The following CWC27 variants were observed in gnomAD, a reference collection of about 807,000 sequenced individuals.
CWC27 encodes spliceosome-associated protein CWC27 homolog.
In CWC27, 47 loss-of-function variants were observed where a neutral mutation model predicts 63.6. The ratio of observed to expected loss-of-function variants is 0.74; its 90% CI spans 0.58 to 0.94. The LOEUF (loss-of-function observed/expected upper bound fraction) is 0.94, where lower values mean the gene tolerates loss of function less well. CWC27 is among the 40% of genes least tolerant of loss of function. The probability of loss-of-function intolerance (pLI) is 0.00; values close to 1 mark genes in which losing one functional copy is unlikely to be tolerated. For missense variants in CWC27, 495 were observed against 554.3 expected (o/e 0.89, Z 1.07); for synonymous variants, 175 against 179.8 (o/e 0.97, Z 0.22).
chr5:65,017,564 A>C (rs1750070833), intron 13 of CWC27, among the ~76,000 whole-genome samples: 1 of 152,256 alleles, frequency 6.6e-6, no homozygotes, highest in Non-Finnish European at 1.5e-5. Context: ...TGTAATCAAC[A>C]GTAGAAGGAA....
intron 11 of CWC27, among the ~76,000 whole-genome samples, chr5:64,957,675 G>A (rs1748828551): frequency 6.6e-6 from 1 of 152,166 alleles, no homozygotes; most frequent in African/African-American, 2.4e-5. Context: ...TTATCAAGTA[G>A]TCTATCTGAC....
intron 11 of CWC27, among the ~76,000 whole-genome samples, chr5:64,954,796 A>G (rs1018460514): frequency 6.6e-6 from 1 of 150,854 alleles, no homozygotes; most frequent in African/African-American, 2.4e-5. Flanking sequence ...ATATATATGT[A>G]TGTATGTTAG....
chr5:64,814,236 C>T (rs577752132), intron 10 of CWC27, among the ~76,000 whole-genome samples: 2 of 152,054 alleles, frequency 1.3e-5, no homozygotes, highest in East Asian at 1.9e-4. Flanking sequence ...GATACCACTT[C>T]GGTTTTGCAC....
chr5:64,881,806 C>T (rs950957364), intron 10 of CWC27, among the ~76,000 whole-genome samples: 3 of 152,172 alleles, frequency 2.0e-5, no homozygotes. Context: ...AAATTATTCT[C>T]ATAACTAGTT....
At chr5:64,905,598 G>A (rs976588072) in intron 11 of CWC27, among the ~76,000 whole-genome samples, 2 of 152,060 alleles carry the variant, frequency 1.3e-5, no homozygotes, top group African/African-American at 4.8e-5. Flanking sequence ...ATTTTTGAGG[G>A]TGAATGCTCA....
intron 11 of CWC27, among the ~76,000 whole-genome samples, chr5:64,893,863 CTATT>C (rs1379219848): frequency 1.3e-5 from 2 of 151,740 alleles, no homozygotes; most frequent in Non-Finnish European, 2.9e-5. Flanking sequence ...TGCGTGTGCT[CTATT>C]TATATTTGTT....
chr5:64,803,482 A>C (rs1238535513), intron 9 of CWC27, among the ~76,000 whole-genome samples: 1 of 152,202 alleles, frequency 6.6e-6, no homozygotes, highest in Admixed American at 6.5e-5. Context: ...ATAGGTGATA[A>C]GTACTTTGGA....
intron 11 of CWC27, among the ~76,000 whole-genome samples, chr5:64,940,504 C>T (rs1748452272): frequency 6.6e-6 from 1 of 152,180 alleles, no homozygotes; most frequent in South Asian, 2.1e-4. Flanking sequence ...GCAGAAATCA[C>T]CCGCCTTCTG....
chr5:64,958,224 G>A (rs946452970), intron 11 of CWC27, among the ~76,000 whole-genome samples: 1 of 152,076 alleles, frequency 6.6e-6, no homozygotes, highest in Non-Finnish European at 1.5e-5. Context: ...TGCTGTAAAT[G>A]TATATAACCC....
intron 10 of CWC27, among the ~76,000 whole-genome samples, chr5:64,806,932 A>C (rs997404312): frequency 6.6e-6 from 1 of 152,232 alleles, no homozygotes; most frequent in Non-Finnish European, 1.5e-5. Flanking sequence ...AAAATAAAAC[A>C]ACACAGGAAA....
chr5:64,864,293 A>G (rs953929638), intron 10 of CWC27, among the ~76,000 whole-genome samples: 2 of 152,130 alleles, frequency 1.3e-5, no homozygotes, highest in East Asian at 3.9e-4. Context: ...TACTTTTCCA[A>G]TATTTCAAGA....
intron 11 of CWC27, among the ~76,000 whole-genome samples, chr5:64,907,269 T>G (rs1479174703): frequency 6.6e-6 from 1 of 152,216 alleles, no homozygotes; most frequent in African/African-American, 2.4e-5. Context: ...GTATGGCCAT[T>G]TTCACGATAT....
At chr5:64,900,550 CTT>C (rs1747477718) in intron 11 of CWC27, among the ~76,000 whole-genome samples, 3 of 152,008 alleles carry the variant, frequency 2.0e-5, no homozygotes, top group Admixed American at 2.0e-4. Flanking sequence ...AAAAACAAAA[CTT>C]AAATTTTGGG....
intron 10 of CWC27, among the ~76,000 whole-genome samples, chr5:64,810,326 C>T (rs907984805): frequency 2.0e-5 from 3 of 151,976 alleles, no homozygotes; most frequent in Non-Finnish European, 4.4e-5. Context: ...AATCAGAGAG[C>T]GTGATGCCTC....
intron 10 of CWC27, among the ~76,000 whole-genome samples, chr5:64,832,055 T>C (rs1353221948): frequency 6.6e-6 from 1 of 151,894 alleles, no homozygotes; most frequent in African/African-American, 2.4e-5. Flanking sequence ...AGTAATTTCT[T>C]ATAAGTTGCA....
chr5:64,946,581 A>T (rs1325568150), intron 11 of CWC27, among the ~76,000 whole-genome samples: 2 of 152,126 alleles, frequency 1.3e-5, no homozygotes, highest in African/African-American at 4.8e-5. Context: ...TTCTAAATGG[A>T]ACTAGAAGAT....
intron 11 of CWC27, among the ~76,000 whole-genome samples, chr5:64,957,518 A>G (rs1408939133): frequency 6.6e-6 from 1 of 152,176 alleles, no homozygotes; most frequent in African/African-American, 2.4e-5. Flanking sequence ...TTAAACAGGA[A>G]CAACAAACTA....
chr5:64,815,732 A>T (rs755570391), intron 10 of CWC27, among the ~76,000 whole-genome samples: 1 of 152,216 alleles, frequency 6.6e-6, no homozygotes, highest in East Asian at 1.9e-4. Context: ...TCAGACTTCT[A>T]GAAGTACAAA....
In CWC27 at chr5:64,780,700, C is replaced by CAT. The variant is rs1554067289; in HGVS notation, c.140-1220_140-1219insTA. Among the ~76,000 whole-genome samples, 8 of 5,288 alleles carry CAT rather than the reference C, an allele frequency of 1.5e-3. No individual in the cohort carries two copies. The Admixed American group carries it at 0.03, about 20-fold the overall frequency. 3.5% of individuals were successfully genotyped at this position (5,288 alleles called of 152,430 possible). On this transcript the variant is annotated intron_variant, in intron 2 of 13. Coordinates refer to ENST00000381070, the MANE Select transcript of CWC27 (RefSeq NM_005869.4). ...TTGTATACACACGCGCACACGCGCG[C>CAT]ACACACACACACACACACCGGAATC...
Sources: gnomAD v4.1 joint callset for allele counts (sites outside exome capture counted in the v4.1 genomes callset) on GRCh38, gnomAD v4.1.1 for gene constraint, MANE v1.5 for transcripts, NCBI Gene and HGNC (gene_info 2026-07-23, HGNC 2026-07-21) for gene names.